Variants in NFAT5 observed in about 807,000 individuals in gnomAD.
NFAT5 encodes nuclear factor of activated T-cells 5.
In NFAT5, 31 loss-of-function variants were observed where a neutral mutation model predicts 166.5. The ratio of observed to expected loss-of-function variants is 0.19; its 90% CI spans 0.14 to 0.25. The LOEUF (loss-of-function observed/expected upper bound fraction) is 0.25, where lower values mean the gene tolerates loss of function less well. NFAT5 is among the 10% of genes least tolerant of loss of function. The pLI is 1.00. For synonymous variants in NFAT5, 612 were observed against 639.7 expected (o/e 0.96, Z 0.65); for missense variants, 1,449 against 1,821.8 (o/e 0.80, Z 3.72).
chr16:69,602,401 C>T (rs895701042), intron 2 of NFAT5, among the ~76,000 whole-genome samples: 5 of 150,826 alleles, frequency 3.3e-5, no homozygotes, highest in African/African-American at 1.2e-4. Context: ...CTAGTAGCTG[C>T]GATTACAGGC....
chr16:69,605,376 G>A (rs1310967587), intron 2 of NFAT5, among the ~76,000 whole-genome samples: 1 of 152,148 alleles, frequency 6.6e-6, no homozygotes, highest in Non-Finnish European at 1.5e-5. Flanking sequence ...GGAGGCGGAG[G>A]TTGCAGTGAG....
chr16:69,692,052 G>A lies in NFAT5; in HGVS notation c.2227G>A (p.Asp743Asn), dbSNP rs201856741. The change falls in exon 13 of 15, where the codon GAT (aspartate) becomes AAT (asparagine). Residue 743 changes from aspartate (D) to asparagine (N), a missense_variant. Around this residue, in one of 7 missense-constraint regions of NFAT5, gnomAD observed 891 missense variants for 993.0 expected, o/e 0.90. Coordinates refer to ENST00000349945, the MANE Select transcript of NFAT5 (RefSeq NM_138713.4). ...ETQSREILQS[D>N]GTVVNLSQLT... Reference sequence around the variant, plus strand: ...TCAGTCTAGAGAGATATTACAGTCAGATGGTACAGTGGTTAATTTGTCACA... The same window carrying A: ...TCAGTCTAGAGAGATATTACAGTCAAATGGTACAGTGGTTAATTTGTCACA... 88 of 1,614,194 alleles carry A rather than the reference G, an allele frequency of 5.5e-5. No individual in the cohort carries two copies. The Admixed American group carries it at 1.2e-3, about 23-fold the overall frequency.
At chr16:69,671,248 C>T (rs887070996) in intron 9 of NFAT5, among the ~76,000 whole-genome samples, 1 of 152,132 alleles carries the variant, frequency 6.6e-6, no homozygotes, top group Non-Finnish European at 1.5e-5. Flanking sequence ...TTTTTTTGAA[C>T]GAGTGGCTCA....
intron 2 of NFAT5, among the ~76,000 whole-genome samples, chr16:69,626,128 A>G (rs2034447747): frequency 6.7e-6 from 1 of 150,342 alleles, no homozygotes; most frequent in Non-Finnish European, 1.5e-5. Context: ...AAAAAAAAAA[A>G]CCTTTTGTAG....
rs575469731 is a variant in NFAT5, at chr16:69,651,733, C to T, written c.813-1503C>T. ...TTGACCAGGCTGGAGTGCAATGGCA[C>T]GATCTGGGCTCACTGCAACCTGCAC... On this transcript the variant is annotated intron_variant, in intron 4 of 14. Coordinates refer to ENST00000349945, the MANE Select transcript of NFAT5 (RefSeq NM_138713.4). 3.6e-3 allele frequency among the ~76,000 whole-genome samples: 540 copies of T among 150,658 alleles called. 1 individual carries two copies. Among genetic ancestry groups the T allele is most frequent in the Non-Finnish European group, 5.2e-3 (355 of 67,840 alleles).
At chr16:69,576,159 G>T (rs2016735463) in intron 2 of NFAT5, among the ~76,000 whole-genome samples, 1 of 151,830 alleles carries the variant, frequency 6.6e-6, no homozygotes, top group Non-Finnish European at 1.5e-5. Context: ...AAAAAAATTA[G>T]CTGGGCGTGG....
chr16:69,598,148 C>A (rs190431398), intron 2 of NFAT5, among the ~76,000 whole-genome samples: 1 of 151,434 alleles, frequency 6.6e-6, no homozygotes, highest in Non-Finnish European at 1.5e-5. Flanking sequence ...TTTGGAAGCC[C>A]GAGGCGGGAG....
chr16:69,598,380 TAAAAAAA>T (rs374912279), intron 2 of NFAT5, among the ~76,000 whole-genome samples: 2 of 118,986 alleles, frequency 1.7e-5, no homozygotes, highest in Admixed American at 1.8e-4. Flanking sequence ...CCTGTCTCTT[TAAAAAAA>T]AAAAAAAAAA....
intron 14 of NFAT5, among the ~76,000 whole-genome samples, 182 bp from the exon 15 acceptor site, chr16:69,696,178 C>T (rs1340060525): frequency 6.6e-6 from 1 of 152,160 alleles, no homozygotes; most frequent in Non-Finnish European, 1.5e-5. Flanking sequence ...TTGGATATAA[C>T]CATGCCTCAC....
chr16:69,584,502 G>T (rs1370636000), intron 2 of NFAT5, among the ~76,000 whole-genome samples: 6 of 151,830 alleles, frequency 4.0e-5, no homozygotes, highest in Admixed American at 2.6e-4. Flanking sequence ...CTAATTTTTT[G>T]ATTTTTTAGT....
chr16:69,615,557 T>TAC lies in NFAT5; in HGVS notation c.128-10834_128-10833dup, dbSNP rs375592766. Among the ~76,000 whole-genome samples the TAC allele has an allele frequency of 2.6e-5, 4 of 151,870 alleles. No individual in the cohort carries two copies. The South Asian group carries it at 6.2e-4, about 24-fold the overall frequency. ...GAATATATGTATATTTATATGTCTG[T>TAC]ACACACACACACAGGTATATATACA... On this transcript the variant is annotated intron_variant, in intron 2 of 14. Transcript: ENST00000349945.
intron 2 of NFAT5, among the ~76,000 whole-genome samples, chr16:69,621,412 C>T (rs2034192226): frequency 6.6e-6 from 1 of 152,100 alleles, no homozygotes. Context: ...ACCCATATCC[C>T]TTCTCTCTCA....
chr16:69,693,723 C>T lies in NFAT5; in HGVS notation c.3898C>T (p.Pro1300Ser). Residue 1300 changes from proline to serine, a missense_variant, in exon 13 of 15, where the codon CCA becomes TCA. Pro to Ser is a moderately conservative substitution (Grantham distance 74). Transcript: ENST00000349945. ...NQNTMATMAS[P>S]KQPPPNMIFN... ...GAATACCATGGCTACAATGGCGTCT[C>T]CAAAGCAACCACCACCAAACATGAT... 6.2e-7 allele frequency: 1 copy of T among 1,614,200 alleles called. No individual in the cohort carries two copies. The highest frequency in any genetic ancestry group is 8.5e-7 in the Non-Finnish European group (1 of 1,180,032).
intron 3 of NFAT5, among the ~76,000 whole-genome samples, chr16:69,642,702 A>G (rs1171410836): frequency 3.9e-5 from 6 of 152,078 alleles, no homozygotes; most frequent in African/African-American, 1.4e-4. Context: ...CTGTAGTCCC[A>G]GCTACTCGGG....
At chr16:69,675,244 T>C (rs2151682192) in intron 9 of NFAT5, among the ~76,000 whole-genome samples, 1 of 152,374 alleles carries the variant, frequency 6.6e-6, no homozygotes, top group Middle Eastern at 3.4e-3. Flanking sequence ...GTCCTGTTAC[T>C]AATTGCCAAG....
Position 69,668,687 on chromosome 16 carries a change from A to T in NFAT5, c.1370-1290A>T, listed in dbSNP as rs184233763. Among the ~76,000 whole-genome samples, 1,352 of 150,444 alleles carry T rather than the reference A, an allele frequency of 9.0e-3. 18 individuals carry two copies. The highest frequency in any genetic ancestry group is 0.031 in the African/African-American group (1,254 of 40,968). On this transcript the variant is annotated intron_variant, in intron 7 of 14. Coordinates refer to ENST00000349945, the MANE Select transcript of NFAT5 (RefSeq NM_138713.4). ...TGACTCTGAATTTATTTTTATTTTT[A>T]TTTTTTTTTGAGACGAAGTCTTGCT...
intron 11 of NFAT5, among the ~76,000 whole-genome samples, chr16:69,686,963 T>C (rs1290822131): frequency 2.6e-5 from 4 of 152,180 alleles, no homozygotes; most frequent in African/African-American, 9.7e-5. Flanking sequence ...AGCTTGATGT[T>C]CTTAGAGCAA....
rs1275407961 is a variant in NFAT5 at position 69,662,899 on chromosome 16, T to C, written c.1369+3000T>C. On this transcript the variant is annotated intron_variant, in intron 7 of 14. Coordinates refer to ENST00000349945, the MANE Select transcript of NFAT5 (RefSeq NM_138713.4). ...AGGAAAAGAAGAATAAACATAAAAA[T>C]GATCTACAGTAAAACACAGGACCCA... Among the ~76,000 whole-genome samples, 3 of 141,910 alleles carry C rather than the reference T, an allele frequency of 2.1e-5. No individual in the cohort carries two copies. The Admixed American group carries it at 2.3e-4, about 11-fold the overall frequency. The allele number at this position is 141,910 out of a possible 152,430, so 93.1% of individuals were successfully genotyped here. A position where few individuals can be genotyped will look rare whatever the true frequency, so the allele number is the denominator to read the frequency against.
At chr16:69,672,858 AGATT>A (rs1337708685) in intron 9 of NFAT5, among the ~76,000 whole-genome samples, 1 of 152,212 alleles carries the variant, frequency 6.6e-6, no homozygotes, top group African/African-American at 2.4e-5. Flanking sequence ...CTTATGATAA[AGATT>A]GATAGATAAG....
Sources: allele counts gnomAD v4.1 joint callset (sites outside exome capture counted in the v4.1 genomes callset), GRCh38; gene constraint gnomAD v4.1.1; regional missense constraint gnomAD v4.1.1; transcripts MANE v1.5; gene names NCBI Gene and HGNC (gene_info 2026-07-23, HGNC 2026-07-21).